The following TMPRSS11E variants were observed in gnomAD, a reference collection of about 807,000 sequenced individuals.
TMPRSS11E encodes transmembrane serine protease 11E, also known as transmembrane protease serine 11E.
Under a neutral mutation model 48.1 loss-of-function variants are expected in TMPRSS11E, and 38 were observed. That is an observed-to-expected ratio of 0.79 (90% CI 0.61 to 1.04). The LOEUF is 1.04. Ranked by LOEUF, TMPRSS11E falls within the 50% of genes least tolerant of loss-of-function variation. The pLI, the probability that TMPRSS11E is intolerant of heterozygous loss-of-function variation, is 0.00. For missense variants in TMPRSS11E, 530 were observed against 510.8 expected, an observed-to-expected ratio of 1.04 and a Z score of -0.36; for synonymous variants, 158 against 171.9, an observed-to-expected ratio of 0.92 and a Z score of 0.63.
chr4:68,461,018 C>G (rs1365602518), intron 1 of TMPRSS11E, among the ~76,000 whole-genome samples: 1 of 151,912 alleles, frequency 6.6e-6, no homozygotes, highest in Non-Finnish European at 1.5e-5. Flanking sequence ...GTAGCTGGGA[C>G]TACAGGCGCC....
chr4:68,461,833 G>A lies in TMPRSS11E; in HGVS notation c.24G>A (p.Val8=), dbSNP rs1728798289. The change falls in exon 2 of 10, where the codon GTG becomes GTA. Residue 8 remains valine (V), a synonymous_variant. Transcript: ENST00000305363. The part of the protein sequence containing the change: MMYRPDV[V]RARKRVCWEP... Reference sequence around the variant, plus strand: ...TTTTCTTCCTTAGGCCAGATGTGGTGAGGGCTAGGAAAAGAGTTTGTTGGG... The same window carrying A: ...TTTTCTTCCTTAGGCCAGATGTGGTAAGGGCTAGGAAAAGAGTTTGTTGGG... The A allele has an allele frequency of 1.2e-6, 2 of 1,614,052 alleles. No homozygotes were observed. The highest frequency in any genetic ancestry group is 2.7e-5 in the African/African-American group (2 of 74,918).
intron 2 of TMPRSS11E, among the ~76,000 whole-genome samples, chr4:68,462,319 G>A (rs532037290): frequency 8.6e-5 from 13 of 151,726 alleles, no homozygotes; most frequent in African/African-American, 2.9e-4. Context: ...GCTCACGCCT[G>A]TAATCTCAGC....
rs1245186913 is a variant in TMPRSS11E at position 68,496,835 on chromosome 4, T to C, written c.*31T>C. Reference sequence around the variant, plus strand: ...AAAAGCCTCATGGAACAGATAACATTTTTTTTTGTTTTTTGGGTGTGGAGG... The same window carrying C: ...AAAAGCCTCATGGAACAGATAACATCTTTTTTTGTTTTTTGGGTGTGGAGG... On this transcript the variant is annotated 3_prime_UTR_variant, in exon 10 of 10. Transcript: ENST00000305363. 1 of 1,567,714 alleles carries C rather than the reference T, an allele frequency of 6.4e-7. No individual in the cohort carries two copies. Among genetic ancestry groups the C allele is most frequent in the African/African-American group, 1.4e-5 (1 of 72,358 alleles).
Position 68,496,924 on chromosome 4 carries a change from A to G in TMPRSS11E, c.*120A>G. On this transcript the variant is annotated 3_prime_UTR_variant, in exon 10 of 10. Coordinates refer to ENST00000305363, the MANE Select transcript of TMPRSS11E (RefSeq NM_014058.4). The stretch of plus-strand genomic sequence containing the variant: ...ACAGCTAGATTTGACTGATCTCAAT[A>G]AACTGTTTGCTTGATGCATGTATTT... The G allele has an allele frequency of 9.7e-7, 1 of 1,032,028 alleles. No individual in the cohort carries two copies. The allele number at this position is 1,032,028 out of a possible 1,614,324, so 63.9% of individuals were successfully genotyped here. A position where few individuals can be genotyped will look rare whatever the true frequency, so the allele number is the denominator to read the frequency against.
At chr4:68,472,165 T>C (rs1343594957) in intron 5 of TMPRSS11E, among the ~76,000 whole-genome samples, 2 of 151,910 alleles carry the variant, frequency 1.3e-5, no homozygotes, top group African/African-American at 4.8e-5. Context: ...ACAAAACAAG[T>C]GATGATAGGT....
At chr4:68,479,302 C>T (rs1324469399) in intron 9 of TMPRSS11E, among the ~76,000 whole-genome samples, 2 of 151,990 alleles carry the variant, frequency 1.3e-5, no homozygotes, top group Admixed American at 1.3e-4. Context: ...TCCTACTATC[C>T]CTAACATCTG....
intron 1 of TMPRSS11E, among the ~76,000 whole-genome samples, chr4:68,456,976 A>T (rs1728649456): frequency 6.6e-6 from 1 of 152,202 alleles, no homozygotes; most frequent in African/African-American, 2.4e-5. Flanking sequence ...AGGCAATACC[A>T]TTCAGGACAT....
At chr4:68,453,382 C>T (rs1478235695) in intron 1 of TMPRSS11E, among the ~76,000 whole-genome samples, 1 of 151,816 alleles carries the variant, frequency 6.6e-6, no homozygotes, top group Non-Finnish European at 1.5e-5. Flanking sequence ...TAATCCCAAG[C>T]TGTTTGATGC....
rs1021142672 is a variant in TMPRSS11E, at chr4:68,460,950, A to C, written c.12-871A>C. ...GGCTGGAGTGCAGTGGCCCGATCTT[A>C]GCTCACTCCAAGCTCCGCCTCCCAG... On this transcript the variant is annotated intron_variant, in intron 1 of 9. Transcript: ENST00000305363. 4.8e-5 allele frequency among the ~76,000 whole-genome samples: 7 copies of C among 146,636 alleles called. No homozygotes were observed. In the East Asian group the frequency reaches 8.1e-4, roughly 17 times the overall value.
chr4:68,476,444 T>A lies in TMPRSS11E; in HGVS notation c.707+6T>A, dbSNP rs1350465715. The A allele has an allele frequency of 6.3e-7, 1 of 1,599,950 alleles. No homozygotes were observed. The highest frequency in any genetic ancestry group is 8.5e-7 in the Non-Finnish European group (1 of 1,171,386). Reference sequence around the variant, plus strand: ...GCTGCTCACTGTTTTACAACGTAAGTCTTGAAGCTTGAGAATGATTGGGAG... The same window carrying A: ...GCTGCTCACTGTTTTACAACGTAAGACTTGAAGCTTGAGAATGATTGGGAG... On this transcript the variant is annotated splice_donor_region_variant and intron_variant, in intron 7 of 9. Coordinates refer to ENST00000305363, the MANE Select transcript of TMPRSS11E (RefSeq NM_014058.4).
At chr4:68,476,238 C>T (rs1451948337) in intron 6 of TMPRSS11E, 23 bp from the exon 7 acceptor site, 2 of 1,613,102 alleles carry the variant, frequency 1.2e-6, no homozygotes, top group Non-Finnish European at 1.7e-6. Flanking sequence ...CCCACCAATG[C>T]ACCCCCCCTC....
intron 1 of TMPRSS11E, among the ~76,000 whole-genome samples, chr4:68,448,373 G>A (rs980020355): frequency 3.9e-5 from 6 of 151,996 alleles, no homozygotes; most frequent in African/African-American, 1.4e-4. Flanking sequence ...ATACTCTTCT[G>A]TACATATCCA....
intron 5 of TMPRSS11E, among the ~76,000 whole-genome samples, chr4:68,473,143 G>A (rs542015114): frequency 5.3e-5 from 8 of 152,108 alleles, no homozygotes; most frequent in African/African-American, 1.7e-4. Context: ...AGCTTATTGA[G>A]GGGTGAGGAA....
chr4:68,486,538 G>A (rs1477220230), intron 9 of TMPRSS11E, among the ~76,000 whole-genome samples: 1 of 152,130 alleles, frequency 6.6e-6, no homozygotes, highest in East Asian at 1.9e-4. Context: ...GTTTAGAATT[G>A]CTTTATGGCC....
intron 1 of TMPRSS11E, among the ~76,000 whole-genome samples, chr4:68,459,603 T>A (rs926607479): frequency 5.9e-5 from 9 of 152,202 alleles, no homozygotes; most frequent in Non-Finnish European, 1.3e-4. Flanking sequence ...ACCTTTTTAA[T>A]GTTAATACAT....
intron 9 of TMPRSS11E, among the ~76,000 whole-genome samples, chr4:68,481,939 C>A (rs1012539587): frequency 6.6e-6 from 1 of 151,970 alleles, no homozygotes; most frequent in South Asian, 2.1e-4. Flanking sequence ...AACCCTGTCT[C>A]CAAAAACAAA....
At chr4:68,494,513 C>A (rs1371372311) in intron 9 of TMPRSS11E, among the ~76,000 whole-genome samples, 1 of 152,142 alleles carries the variant, frequency 6.6e-6, no homozygotes, top group Non-Finnish European at 1.5e-5. Context: ...TCTATTCCCT[C>A]ATTTCTTTGT....
At chr4:68,464,763 T>A (rs548498263) in intron 2 of TMPRSS11E, among the ~76,000 whole-genome samples, 1 of 152,160 alleles carries the variant, frequency 6.6e-6, no homozygotes, top group South Asian at 2.1e-4. Flanking sequence ...CATTTAAGGG[T>A]GTAGAAGGGT....
rs1384368278 is a variant in TMPRSS11E, at chr4:68,490,790, C to T, written c.1111-5853C>T. 4.4e-5 allele frequency among the ~76,000 whole-genome samples: 5 copies of T among 114,916 alleles called. 1 individual carries two copies. Among genetic ancestry groups the T allele is most frequent in the Admixed American group, 1.2e-4 (1 of 8,432 alleles). 75.4% of individuals were successfully genotyped at this position (114,916 alleles called of 152,430 possible). A position where few individuals can be genotyped will look rare whatever the true frequency, so the allele number is the denominator to read the frequency against. On this transcript the variant is annotated intron_variant, in intron 9 of 9. Coordinates refer to ENST00000305363, the MANE Select transcript of TMPRSS11E (RefSeq NM_014058.4). ...TTTTTTTTTTTTTGAGGTGGAGTCT[C>T]GCTTGTTGCCCAGGCTGGAGTGCAG...
Sources: allele counts gnomAD v4.1 joint callset (sites outside exome capture counted in the v4.1 genomes callset), GRCh38; gene constraint gnomAD v4.1.1; transcripts MANE v1.5; gene names NCBI Gene and HGNC (gene_info 2026-07-23, HGNC 2026-07-21).